The following CA10 variants were observed in gnomAD, a reference collection of about 807,000 sequenced individuals.
CA10 encodes the protein carbonic anhydrase-related protein 10.
A neutral mutation model predicts 44.2 loss-of-function variants in CA10; 14 were observed. That is an observed-to-expected ratio of 0.32 (90% CI 0.21 to 0.50). The LOEUF (loss-of-function observed/expected upper bound fraction) is 0.50, where lower values mean the gene tolerates loss of function less well. Ranked by LOEUF, CA10 falls within the 20% of genes least tolerant of loss-of-function variation. The pLI is 0.99. For synonymous variants in CA10, 159 were observed against 141.6 expected (o/e 1.12, Z -0.87); for missense variants, 350 against 409.7 (o/e 0.85, Z 1.26).
intron 3 of CA10, among the ~76,000 whole-genome samples, chr17:51,774,451 T>G (rs1205584560): frequency 6.6e-6 from 1 of 151,772 alleles, no homozygotes; most frequent in Non-Finnish European, 1.5e-5. Flanking sequence ...AGGTCTTTTT[T>G]TTTTTTGAGG....
intron 1 of CA10, among the ~76,000 whole-genome samples, chr17:52,078,457 A>T (rs1356134884): frequency 6.6e-6 from 1 of 152,236 alleles, no homozygotes; most frequent in Non-Finnish European, 1.5e-5. Flanking sequence ...AGCAAAGATG[A>T]AGCCAGATAT....
intron 3 of CA10, among the ~76,000 whole-genome samples, chr17:51,849,189 A>ATATATACATATGTGTGTG (rs1485046534): frequency 1.4e-5 from 1 of 69,914 alleles, no homozygotes. Context: ...ATATGTATAT[A>ATATATACATATGTGTGTG]TATATATACA....
At chr17:51,955,021 C>G (rs1196438525) in intron 2 of CA10, among the ~76,000 whole-genome samples, 2 of 152,230 alleles carry the variant, frequency 1.3e-5, no homozygotes, top group South Asian at 4.2e-4. Flanking sequence ...GTGACCTTCC[C>G]ACAGAATACA....
intron 3 of CA10, among the ~76,000 whole-genome samples, chr17:51,917,867 T>C (rs1982067142): frequency 6.6e-6 from 1 of 152,200 alleles, no homozygotes; most frequent in Non-Finnish European, 1.5e-5. Flanking sequence ...GATCAGGCTA[T>C]GGTTGGACTC....
intron 3 of CA10, among the ~76,000 whole-genome samples, chr17:51,907,220 T>A (rs183443675): frequency 6.6e-4 from 101 of 152,186 alleles, no homozygotes; most frequent in African/African-American, 2.4e-3. Context: ...ATGTGCCAAG[T>A]CTGTACCACC....
At chr17:51,719,996 T>TA (rs1916301608) in intron 4 of CA10, among the ~76,000 whole-genome samples, 1 of 152,172 alleles carries the variant, frequency 6.6e-6, no homozygotes, top group Non-Finnish European at 1.5e-5. Flanking sequence ...ATAATAGGCA[T>TA]AAAATCTCTG....
chr17:51,732,024 C>T (rs1015376093), intron 4 of CA10, among the ~76,000 whole-genome samples: 7 of 152,002 alleles, frequency 4.6e-5, no homozygotes, highest in African/African-American at 1.4e-4. Flanking sequence ...AGGTTGACAT[C>T]ATTATTATTA....
intron 4 of CA10, among the ~76,000 whole-genome samples, chr17:51,730,512 G>T (rs1916675985): frequency 6.6e-6 from 1 of 152,174 alleles, no homozygotes; most frequent in Non-Finnish European, 1.5e-5. Flanking sequence ...ACATGTGTTT[G>T]CAATAAAGCG....
chr17:51,758,388 A>G (rs1311547297), intron 3 of CA10, among the ~76,000 whole-genome samples: 1 of 152,234 alleles, frequency 6.6e-6, no homozygotes, highest in African/African-American at 2.4e-5. Flanking sequence ...GGTAATGACA[A>G]AAGACACAGA....
At chr17:51,920,566 A>G (rs947267891) in intron 3 of CA10, among the ~76,000 whole-genome samples, 1 of 152,206 alleles carries the variant, frequency 6.6e-6, no homozygotes, top group South Asian at 2.1e-4. Flanking sequence ...TGAAATACTA[A>G]AGCCAACAAC....
intron 2 of CA10, among the ~76,000 whole-genome samples, chr17:52,065,959 T>C (rs772904726): frequency 6.6e-6 from 1 of 152,226 alleles, no homozygotes. Flanking sequence ...TCGCATCCAG[T>C]TGTTCCTTCA....
chr17:51,729,382 A>C (rs191641214), intron 4 of CA10, among the ~76,000 whole-genome samples: 3 of 151,390 alleles, frequency 2.0e-5, no homozygotes, highest in Admixed American at 1.3e-4. Flanking sequence ...CACACACACA[A>C]ACAAACACAC....
At chr17:52,050,946 C>T (rs1987047842) in intron 2 of CA10, among the ~76,000 whole-genome samples, 1 of 150,486 alleles carries the variant, frequency 6.6e-6, no homozygotes, top group South Asian at 2.1e-4. Flanking sequence ...CTGTTTAGTG[C>T]CTGGGTTGAA....
chr17:51,781,164 G>T (rs1048379637), intron 3 of CA10, among the ~76,000 whole-genome samples: 1 of 152,172 alleles, frequency 6.6e-6, no homozygotes, highest in Admixed American at 6.5e-5. Context: ...CAATGGTAAA[G>T]ACATGCTTGG....
At chr17:52,021,663 T>G (rs1458167903) in intron 2 of CA10, among the ~76,000 whole-genome samples, 1 of 151,840 alleles carries the variant, frequency 6.6e-6, no homozygotes, top group South Asian at 2.1e-4. Flanking sequence ...CTAGCTAGAT[T>G]AACAAAGGAA....
chr17:52,131,407 G>A (rs1285309166), intron 1 of CA10, among the ~76,000 whole-genome samples: 1 of 121,310 alleles, frequency 8.2e-6, no homozygotes, highest in Non-Finnish European at 1.9e-5. Flanking sequence ...TTTAAATTTT[G>A]GACTAAATGC....
At chr17:51,880,017 TA>T (rs1008049422) in intron 3 of CA10, among the ~76,000 whole-genome samples, 1 of 152,202 alleles carries the variant, frequency 6.6e-6, no homozygotes, top group African/African-American at 2.4e-5. Context: ...ATGCCTTTCA[TA>T]TGCAAACTGG....
intron 3 of CA10, among the ~76,000 whole-genome samples, chr17:51,892,728 G>T (rs551209762): frequency 6.6e-6 from 1 of 152,202 alleles, no homozygotes; most frequent in African/African-American, 2.4e-5. Flanking sequence ...TAGTCTCAAT[G>T]ATATTTTTAC....
intron 3 of CA10, among the ~76,000 whole-genome samples, chr17:51,896,676 G>C (rs1981081245): frequency 6.6e-6 from 1 of 152,060 alleles, no homozygotes; most frequent in Non-Finnish European, 1.5e-5. Flanking sequence ...TTCCACAGTG[G>C]CTGAACTAAT....
Sources: allele counts gnomAD v4.1 joint callset (sites outside exome capture counted in the v4.1 genomes callset), GRCh38; gene constraint gnomAD v4.1.1; transcripts MANE v1.5; gene names NCBI Gene and HGNC (gene_info 2026-07-23, HGNC 2026-07-21).